RNF216: variants seen among roughly 807,000 people sequenced by gnomAD.
RNF216 encodes the protein ring finger protein 216.
In RNF216, 72 loss-of-function variants were observed where a neutral mutation model predicts 110.8. The observed-to-expected ratio is 0.65, with a 90% CI of 0.54 to 0.79. The LOEUF (loss-of-function observed/expected upper bound fraction) is 0.79. Ranked by LOEUF, RNF216 falls within the 30% of genes least tolerant of loss-of-function variation. RNF216 has a pLI of 0.00. For synonymous variants in RNF216, 495 were observed against 407.5 expected (o/e 1.21, Z -2.59); for missense variants, 1,342 against 1,141.2 (o/e 1.18, Z -2.54).
rs1229524786 is a variant in RNF216 at position 5,622,064 on chromosome 7, A to G, written c.*796T>C. On this transcript the variant is annotated 3_prime_UTR_variant, in exon 17 of 17. Coordinates refer to ENST00000389902, the MANE Select transcript of RNF216 (RefSeq NM_207111.4). ...CCAGGGTGGCAGAAACGTCTCCCCC[A>G]GCAGTTGGGCTGCCCAGCAGGGCCA... 6.6e-6 allele frequency: 1 copy of G among 152,406 alleles called. No individual in the cohort carries two copies. Among genetic ancestry groups the G allele is most frequent in the Non-Finnish European group, 1.5e-5 (1 of 68,228 alleles). 9.4% of individuals were successfully genotyped at this position (152,406 alleles called of 1,614,324 possible). A position where few individuals can be genotyped will look rare whatever the true frequency, so the allele number is the denominator to read the frequency against.
chr7:5,660,943 G>GTTTTTTTTTGTTTTTTTTTTTTT (rs1470327757), intron 13 of RNF216, among the ~76,000 whole-genome samples: 5 of 90,148 alleles, frequency 5.5e-5, no homozygotes, highest in East Asian at 6.0e-4. Context: ...GAAGCCTTAG[G>GTTTTTTTTTGTTTTTTTTTTTTT]TTTTTTTTTT....
intron 1 of RNF216, among the ~76,000 whole-genome samples, chr7:5,767,644 A>G (rs1309040644): frequency 2.7e-5 from 4 of 149,416 alleles, no homozygotes; most frequent in Non-Finnish European, 5.9e-5. Context: ...TCTGCCACCC[A>G]GGCTGAAGTA....
chr7:5,760,040 T>A (rs1229649078), intron 2 of RNF216, among the ~76,000 whole-genome samples: 5 of 152,274 alleles, frequency 3.3e-5, no homozygotes, highest in Admixed American at 2.6e-4. Context: ...ACCTCTTCCA[T>A]GGAATTTATA....
chr7:5,649,741 T>C (rs1203885875), intron 14 of RNF216: 2 of 152,244 alleles, frequency 1.3e-5, no homozygotes, highest in African/African-American at 4.8e-5. Context: ...TCATTTGGCT[T>C]GTACAGAAGA....
chr7:5,762,195 C>T lies in RNF216; in HGVS notation c.-69-1057G>A, dbSNP rs555351482. Among the ~76,000 whole-genome samples the T allele has an allele frequency of 1.7e-4, 26 of 152,088 alleles. No individual in the cohort carries two copies. The South Asian group carries it at 4.2e-3, about 24-fold the overall frequency. ...GTGATACCATTTATGTAAGTTAATA[C>T]AAAAATTTAAAATACATTAAATTTA... On this transcript the variant is annotated intron_variant, in intron 1 of 16. Coordinates refer to ENST00000389902, the MANE Select transcript of RNF216 (RefSeq NM_207111.4).
intron 13 of RNF216, among the ~76,000 whole-genome samples, chr7:5,701,398 T>C (rs956423548): frequency 3.9e-5 from 6 of 152,164 alleles, no homozygotes; most frequent in East Asian, 3.8e-4. Flanking sequence ...CTGGAGGCAG[T>C]TCCCCCTTTC....
At chr7:5,701,293 T>G (rs1228632501) in intron 13 of RNF216, among the ~76,000 whole-genome samples, 1 of 152,100 alleles carries the variant, frequency 6.6e-6, no homozygotes, top group Non-Finnish European at 1.5e-5. Context: ...ATGAGTTGAG[T>G]GGTGAGTGAT....
At chr7:5,779,485 C>T (rs1173102944) in intron 1 of RNF216, among the ~76,000 whole-genome samples, 1 of 151,980 alleles carries the variant, frequency 6.6e-6, no homozygotes, top group Non-Finnish European at 1.5e-5. Context: ...TTCCTTAAAG[C>T]AAGCCGACTA....
rs66617363 is a variant in RNF216 at position 5,660,265 on chromosome 7, C to CTTTTTTTTTTTTTT, written c.2062-7769_2062-7756dup. Among the ~76,000 whole-genome samples the CTTTTTTTTTTTTTT allele has an allele frequency of 4.8e-4, 16 of 33,652 alleles. 4 individuals are homozygous for CTTTTTTTTTTTTTT. Among genetic ancestry groups the CTTTTTTTTTTTTTT allele is most frequent in the East Asian group, 8.7e-4 (1 of 1,150 alleles). 22.1% of individuals were successfully genotyped at this position (33,652 alleles called of 152,430 possible). A position where few individuals can be genotyped will look rare whatever the true frequency, so the allele number is the denominator to read the frequency against. ...ACAGAGCCCGGCCCTGTTTTAAATT[C>CTTTTTTTTTTTTTT]TTTTTTTTTTTTTTTTTTTTTTTTT... is the stretch of plus-strand genomic sequence containing the variant. On this transcript the variant is annotated intron_variant, in intron 13 of 16. Coordinates refer to ENST00000389902, the MANE Select transcript of RNF216 (RefSeq NM_207111.4).
Position 5,741,637 on chromosome 7 carries a change from G to A in RNF216, c.380C>T (p.Ser127Phe). 6.2e-7 allele frequency: 1 copy of A among 1,614,146 alleles called. No homozygotes were observed. ...PLFDSGAQDD[S>F]EDDYGEFLDL... The stretch of plus-strand genomic sequence containing the variant: ...CAGAAATTCACCGTAGTCATCCTCA[G>A]AATCATCCTGTGCCCCAGAATCAAA... The change falls in exon 4 of 17, where the codon TCT becomes TTT. Residue 127 changes from serine (S) to phenylalanine (F), a missense_variant. Transcript: ENST00000389902.
chr7:5,780,218 A>G (rs1263877478), intron 1 of RNF216: 4 of 152,202 alleles, frequency 2.6e-5, no homozygotes, highest in Non-Finnish European at 2.9e-5. Flanking sequence ...TCTTCCTCAC[A>G]AGGGAAGAAA....
At chr7:5,748,951 ATG>A (rs998536051) in intron 3 of RNF216, among the ~76,000 whole-genome samples, 1 of 149,812 alleles carries the variant, frequency 6.7e-6, no homozygotes, top group Non-Finnish European at 1.5e-5. Flanking sequence ...TATATGCGTT[ATG>A]TGTGTGTGGT....
chr7:5,668,363 A>G (rs1789666440), intron 13 of RNF216, among the ~76,000 whole-genome samples: 2 of 152,038 alleles, frequency 1.3e-5, no homozygotes, highest in South Asian at 4.2e-4. Context: ...AGTTGGGACT[A>G]TAGGCACCCA....
chr7:5,747,736 G>T, intron 3 of RNF216, among the ~76,000 whole-genome samples: 1 of 90,606 alleles, frequency 1.1e-5, no homozygotes, highest in African/African-American at 4.0e-5. Flanking sequence ...GGCAACAGGA[G>T]ACTCCATCTC....
At chr7:5,654,906 T>A (rs533504258) in intron 13 of RNF216, among the ~76,000 whole-genome samples, 21 of 151,950 alleles carry the variant, frequency 1.4e-4, no homozygotes, top group Non-Finnish European at 2.9e-4. Context: ...CCCATTTTTA[T>A]AAGAAACAAA....
chr7:5,750,750 T>C (rs1463542302), intron 3 of RNF216, among the ~76,000 whole-genome samples: 1 of 152,210 alleles, frequency 6.6e-6, no homozygotes, highest in Non-Finnish European at 1.5e-5. Context: ...AGACTCTTAC[T>C]CTCCTTAATC....
chr7:5,698,412 C>CACAT (rs1324093429), intron 13 of RNF216, among the ~76,000 whole-genome samples: 7 of 147,318 alleles, frequency 4.8e-5, no homozygotes, highest in Admixed American at 1.3e-4. Context: ...CACACACACA[C>CACAT]ACATACACAC....
At chr7:5,781,214 G>A (rs377067529) in intron 1 of RNF216, among the ~76,000 whole-genome samples, 4 of 152,238 alleles carry the variant, frequency 2.6e-5, no homozygotes, top group Admixed American at 2.0e-4. Context: ...CCCGGGGGAG[G>A]GAAGCGCGGT....
At chr7:5,662,653 C>G (rs1242587344) in intron 13 of RNF216, 2 of 152,420 alleles carry the variant, frequency 1.3e-5, no homozygotes, top group African/African-American at 4.8e-5. Context: ...CGCTGAGAGC[C>G]TTCCATCAGT....
Sources: allele counts gnomAD v4.1 joint callset (sites outside exome capture counted in the v4.1 genomes callset), GRCh38; gene constraint gnomAD v4.1.1; transcripts MANE v1.5; gene names NCBI Gene and HGNC (gene_info 2026-07-23, HGNC 2026-07-21).